The following PDK1 variants were observed in gnomAD, a reference collection of about 807,000 sequenced individuals.
PDK1 encodes the protein [Pyruvate dehydrogenase (acetyl-transferring)] kinase isozyme 1, mitochondrial.
PDK1 carries 39 observed loss-of-function variants against 54.2 expected under a neutral mutation model. The observed-to-expected ratio is 0.72, with a 90% confidence interval of 0.56 to 0.94. The LOEUF (loss-of-function observed/expected upper bound fraction) is 0.94, where lower values mean the gene tolerates loss of function less well. Among genes scored for constraint, PDK1 ranks in the 40% least tolerant of loss-of-function variants. The pLI is 0.00. For missense variants in PDK1, 552 were observed against 566.0 expected (o/e 0.98, Z 0.25); for synonymous variants, 221 against 207.1 (o/e 1.07, Z -0.58).
the PDK1 span, among the ~76,000 whole-genome samples, chr2:172,618,511 G>A: frequency 1.3e-5 from 2 of 152,212 alleles, no homozygotes; most frequent in African/African-American, 2.4e-5. Flanking sequence ...ATTGCTGTGT[G>A]AGAACTGAAG....
the PDK1 span, among the ~76,000 whole-genome samples, chr2:172,685,850 C>T: frequency 6.6e-6 from 1 of 152,210 alleles, no homozygotes; most frequent in African/African-American, 2.4e-5. Context: ...CTATTTTCAG[C>T]ATCGTATTGC....
chr2:172,557,460 G>C (rs546657727), intron 1 of PDK1, among the ~76,000 whole-genome samples: 1 of 152,302 alleles, frequency 6.6e-6, no homozygotes, highest in Non-Finnish European at 1.5e-5. Flanking sequence ...CTTAGGGAGT[G>C]ATATGGGATC....
At chr2:172,687,754 A>G in the PDK1 span, among the ~76,000 whole-genome samples, 1 of 152,206 alleles carries the variant, frequency 6.6e-6, no homozygotes, top group African/African-American at 2.4e-5. Context: ...CAGGTGGATC[A>G]TTTGGGTTCA....
chr2:172,579,345 A>G (rs1368241753), intron 8 of PDK1, among the ~76,000 whole-genome samples: 1 of 152,112 alleles, frequency 6.6e-6, no homozygotes, highest in African/African-American at 2.4e-5. Flanking sequence ...CTCTGATTGC[A>G]TATTGATTGG....
At chr2:172,657,464 A>T in the PDK1 span, among the ~76,000 whole-genome samples, 1 of 46,684 alleles carries the variant, frequency 2.1e-5, no homozygotes, top group South Asian at 5.3e-4. Flanking sequence ...TATATTTTTT[A>T]ACTTGTGGTT....
chr2:172,573,495 CTA>C (rs1689399299), intron 8 of PDK1, among the ~76,000 whole-genome samples: 1 of 148,952 alleles, frequency 6.7e-6, no homozygotes, highest in African/African-American at 2.5e-5. Context: ...TATAGGGATT[CTA>C]TGTGTGTGTA....
the PDK1 span, among the ~76,000 whole-genome samples, chr2:172,715,920 T>A: frequency 6.6e-6 from 1 of 152,208 alleles, no homozygotes; most frequent in Non-Finnish European, 1.5e-5. Context: ...ATCATGCTGT[T>A]TTCCTAAGGT....
the PDK1 span, among the ~76,000 whole-genome samples, chr2:172,699,859 CAT>C: frequency 2.6e-5 from 4 of 151,868 alleles, 1 homozygote; most frequent in Non-Finnish European, 5.9e-5. Flanking sequence ...AGCAGATAAA[CAT>C]GTGAACAAAG....
the PDK1 span, among the ~76,000 whole-genome samples, chr2:172,705,372 C>T: frequency 6.6e-6 from 1 of 152,210 alleles, no homozygotes; most frequent in Non-Finnish European, 1.5e-5. Flanking sequence ...CAGCCTTTTG[C>T]ATCATTAATT....
Position 172,596,989 on chromosome 2 carries a change from G to T in PDK1, c.*1020G>T, listed in dbSNP as rs916287511. ...TATTTAAAGTCAGATTTATAGACTC[G>T]AGGAGACAGAAACTGAATCCCACAC... On this transcript the variant is annotated 3_prime_UTR_variant, in exon 11 of 11. Coordinates refer to ENST00000282077, the MANE Select transcript of PDK1 (RefSeq NM_002610.5). The T allele has an allele frequency of 6.6e-6, 1 of 152,102 alleles. No homozygotes were observed. The allele number at this position is 152,102 out of a possible 1,614,324, so 9.4% of individuals were successfully genotyped here. A position where few individuals can be genotyped will look rare whatever the true frequency, so the allele number is the denominator to read the frequency against.
the PDK1 span, among the ~76,000 whole-genome samples, chr2:172,694,222 C>G: frequency 6.6e-6 from 1 of 152,178 alleles, no homozygotes; most frequent in Admixed American, 6.5e-5. Context: ...GCATTTCATG[C>G]TTCCTTTAAG....
the PDK1 span, among the ~76,000 whole-genome samples, chr2:172,714,634 C>G: frequency 6.6e-6 from 1 of 151,874 alleles, no homozygotes; most frequent in Non-Finnish European, 1.5e-5. Context: ...ATAAAGATAA[C>G]AAGTAAAATG....
At position 172,571,823 on chromosome 2, in the gene PDK1, C is replaced by CTT. The variant is rs36031428; in HGVS notation, c.945+1024_945+1025dup. On this transcript the variant is annotated intron_variant, in intron 8 of 10. Coordinates refer to ENST00000282077, the MANE Select transcript of PDK1 (RefSeq NM_002610.5). ...CTCAGAGATTCTTAGTCTTTCTTTA[C>CTT]TTTTTTTTTTTTTTTTTTTTTTTTT... Among the ~76,000 whole-genome samples the CTT allele has an allele frequency of 6.7e-4, 67 of 99,782 alleles. 3 individuals are homozygous for CTT. The highest frequency in any genetic ancestry group is 1.1e-3 in the African/African-American group (28 of 25,606). 65.5% of individuals were successfully genotyped at this position (99,782 alleles called of 152,430 possible).
At chr2:172,675,884 T>C in the PDK1 span, among the ~76,000 whole-genome samples, 44 of 152,204 alleles carry the variant, frequency 2.9e-4, no homozygotes, top group Middle Eastern at 3.4e-3. Flanking sequence ...ACAGGCTGAC[T>C]CTCTTGTGAA....
intron 10 of PDK1, among the ~76,000 whole-genome samples, chr2:172,595,096 A>G (rs62169270): frequency 0.18 from 26,751 of 152,118 alleles, 2,821 homozygotes; most frequent in African/African-American, 0.28. Flanking sequence ...TAGAGTCAAT[A>G]TCTTGCTTTG....
the PDK1 span, among the ~76,000 whole-genome samples, chr2:172,640,378 G>C: frequency 6.6e-6 from 1 of 152,160 alleles, no homozygotes; most frequent in African/African-American, 2.4e-5. Context: ...CTCCTTCCTG[G>C]TCCTGAAAAG....
At chr2:172,592,101 A>G (rs1416432484) in intron 9 of PDK1, among the ~76,000 whole-genome samples, 4 of 152,204 alleles carry the variant, frequency 2.6e-5, no homozygotes, top group Non-Finnish European at 5.9e-5. Context: ...CTGCTGGGTT[A>G]AGGATTTTTG....
intron 9 of PDK1, among the ~76,000 whole-genome samples, chr2:172,592,385 C>G (rs1210326806): frequency 6.6e-6 from 1 of 152,004 alleles, no homozygotes; most frequent in Non-Finnish European, 1.5e-5. Flanking sequence ...CTCTCTTTCT[C>G]TCTCTCTCTG....
chr2:172,589,470 G>A (rs1690449673), intron 9 of PDK1, among the ~76,000 whole-genome samples: 1 of 152,164 alleles, frequency 6.6e-6, no homozygotes, highest in Admixed American at 6.5e-5. Context: ...GCCTGCCCAA[G>A]GCAACCTCAG....
Sources: allele counts gnomAD v4.1 joint callset (sites outside exome capture counted in the v4.1 genomes callset), GRCh38; gene constraint gnomAD v4.1.1; transcripts MANE v1.5; gene names NCBI Gene and HGNC (gene_info 2026-07-23, HGNC 2026-07-21).